ANO2: variants seen among roughly 807,000 people sequenced by gnomAD.
ANO2 encodes anoctamin 2.
ANO2 carries 101 observed loss-of-function variants against 124.2 expected under a neutral mutation model. That is an observed-to-expected ratio of 0.81 (90% CI 0.69 to 0.96). The LOEUF is 0.96. Ranked by LOEUF, ANO2 falls within the 40% of genes least tolerant of loss-of-function variation. The probability of loss-of-function intolerance (pLI) is 0.00; values close to 1 mark genes in which losing one functional copy is unlikely to be tolerated. For synonymous variants in ANO2, 486 were observed against 482.5 expected (o/e 1.01, Z -0.09); for missense variants, 1,293 against 1,274.5 (o/e 1.01, Z -0.22).
chr12:5,687,043 A>T (rs530343890), intron 14 of ANO2, among the ~76,000 whole-genome samples: 2 of 152,354 alleles, frequency 1.3e-5, no homozygotes, highest in African/African-American at 4.8e-5. Context: ...CCTGGATGAA[A>T]GAGAAAGAGG....
At chr12:5,732,942 G>A in intron 13 of ANO2, 3 of 1,592,142 alleles carry the variant, frequency 1.9e-6, no homozygotes, top group Admixed American at 1.7e-5. Flanking sequence ...ATACGAAGAG[G>A]GGCCCAGTGC....
chr12:5,803,273 A>G (rs1953098127), intron 9 of ANO2, among the ~76,000 whole-genome samples: 1 of 152,198 alleles, frequency 6.6e-6, no homozygotes, highest in African/African-American at 2.4e-5. Context: ...GTCTCCACAC[A>G]GTAACATGAA....
At chr12:5,847,552 G>T (rs1165690597) in intron 4 of ANO2, among the ~76,000 whole-genome samples, 1 of 151,410 alleles carries the variant, frequency 6.6e-6, no homozygotes, top group African/African-American at 2.4e-5. Flanking sequence ...AAGAGGTGCT[G>T]CAGTCCTGGC....
chr12:5,716,664 G>A (rs543991763), intron 14 of ANO2, among the ~76,000 whole-genome samples: 35 of 152,262 alleles, frequency 2.3e-4, no homozygotes, highest in African/African-American at 7.7e-4. Flanking sequence ...TAAGCTGGCC[G>A]ATAGACCATG....
chr12:5,728,894 T>A (rs894107745), intron 14 of ANO2, among the ~76,000 whole-genome samples: 2 of 152,212 alleles, frequency 1.3e-5, no homozygotes, highest in Non-Finnish European at 2.9e-5. Flanking sequence ...GAGGAAACAG[T>A]CTGTTCAACA....
intron 14 of ANO2, among the ~76,000 whole-genome samples, chr12:5,727,534 C>A (rs1950486350): frequency 1.3e-5 from 2 of 149,586 alleles, no homozygotes; most frequent in South Asian, 2.1e-4. Context: ...AAAGCAATGG[C>A]CTACAGCTAA....
chr12:5,817,691 G>C (rs1257688491), intron 7 of ANO2, among the ~76,000 whole-genome samples: 1 of 152,188 alleles, frequency 6.6e-6, no homozygotes, highest in Non-Finnish European at 1.5e-5. Context: ...ACAGGAAGAG[G>C]AGCAGGAGAG....
At chr12:5,944,345 G>C (rs1943010569) in intron 1 of ANO2, among the ~76,000 whole-genome samples, 1 of 152,210 alleles carries the variant, frequency 6.6e-6, no homozygotes, top group Non-Finnish European at 1.5e-5. Flanking sequence ...TTCTGTCCCA[G>C]ACGAGGTTCC....
chr12:5,768,048 C>G (rs1951951298), intron 10 of ANO2, among the ~76,000 whole-genome samples: 1 of 152,324 alleles, frequency 6.6e-6, no homozygotes, highest in Middle Eastern at 3.4e-3. Context: ...CCCTTCCTGA[C>G]CTACTATCTG....
intron 3 of ANO2, among the ~76,000 whole-genome samples, chr12:5,919,524 G>A (rs1415164637): frequency 7.0e-6 from 1 of 141,944 alleles, no homozygotes; most frequent in Admixed American, 7.0e-5. Flanking sequence ...CCAAAGCAGA[G>A]AGGGCAATAG....
chr12:5,705,248 A>T (rs1949563761), intron 14 of ANO2, among the ~76,000 whole-genome samples: 1 of 152,206 alleles, frequency 6.6e-6, no homozygotes, highest in Non-Finnish European at 1.5e-5. Flanking sequence ...ATAGAGAGCA[A>T]ATCAAACATT....
At chr12:5,821,533 T>C (rs1362549474) in intron 7 of ANO2, among the ~76,000 whole-genome samples, 1 of 152,206 alleles carries the variant, frequency 6.6e-6, no homozygotes, top group African/African-American at 2.4e-5. Flanking sequence ...GATCCAATGG[T>C]GCTTGAGGTG....
intron 16 of ANO2, among the ~76,000 whole-genome samples, chr12:5,617,759 C>G (rs1283086868): frequency 6.6e-6 from 1 of 152,260 alleles, no homozygotes; most frequent in Non-Finnish European, 1.5e-5. Context: ...GCCACACTCT[C>G]CAGATCACAC....
intron 3 of ANO2, 120 bp from the exon 4 acceptor site, chr12:5,854,261 TTC>T: frequency 2.2e-6 from 2 of 891,930 alleles, no homozygotes; most frequent in Admixed American, 4.3e-5. Context: ...CTCGTTTTCG[TTC>T]TCTTTAAAAT....
intron 2 of ANO2, 22 bp from the exon 3 acceptor site, chr12:5,921,388 G>A: frequency 2.5e-6 from 4 of 1,575,966 alleles, no homozygotes; most frequent in Non-Finnish European, 3.5e-6. Flanking sequence ...GAGAGGAGAG[G>A]CAGGGCAAGG....
Position 5,635,056 on chromosome 12 carries a change from G to C in ANO2, c.1816+96C>G, listed in dbSNP as rs930616594. 1 of 1,130,596 alleles carries C rather than the reference G, an allele frequency of 8.8e-7. No homozygotes were observed. The highest frequency in any genetic ancestry group is 1.2e-6 in the Non-Finnish European group (1 of 822,690). The allele number at this position is 1,130,596 out of a possible 1,614,324, so 70.0% of individuals were successfully genotyped here. The stretch of plus-strand genomic sequence containing the variant: ...TAAAATGCACTGTACAAAGCATCCT[G>C]TCCCTGTCCCATTTTTTTTATTTTA... On this transcript the variant is annotated intron_variant, in intron 16 of 24. Coordinates refer to ENST00000682330, the MANE Select transcript of ANO2 (RefSeq NM_001364791.2). This position sits in a 1 kb window ranked among gnomAD's most constrained non-coding sequence, Gnocchi z 5.2.
At chr12:5,660,406 ACTGGCTTCCTTCCTGTTCTT>A (rs1947377880) in intron 14 of ANO2, among the ~76,000 whole-genome samples, 1 of 95,050 alleles carries the variant, frequency 1.1e-5, no homozygotes, top group Non-Finnish European at 2.3e-5. Context: ...TCTCAGCCAC[ACTGGCTTCCTTCCTGTTCTT>A]AGAACACGCC....
chr12:5,818,173 A>AAGG (rs3082783), intron 7 of ANO2, among the ~76,000 whole-genome samples: 147,901 of 151,968 alleles, frequency 0.97, 72,052 homozygotes, highest in Non-Finnish European at 1. Context: ...GGTGTTGCCA[A>AAGG]AGATTAACAT....
At chr12:5,845,384 G>A (rs1218353125) in intron 4 of ANO2, among the ~76,000 whole-genome samples, 3 of 151,802 alleles carry the variant, frequency 2.0e-5, no homozygotes, top group African/African-American at 7.3e-5. Flanking sequence ...TGTCTAACAC[G>A]GTGAAACTCC....
Sources: gnomAD v4.1 joint callset for allele counts (sites outside exome capture counted in the v4.1 genomes callset) on GRCh38, gnomAD v4.1.1 for gene constraint, Gnocchi (gnomAD v3.1) non-coding constraint, MANE v1.5 for transcripts, NCBI Gene and HGNC (gene_info 2026-07-23, HGNC 2026-07-21) for gene names.